SEC11A: variants seen among roughly 807,000 people sequenced by gnomAD.
SEC11A encodes the protein SEC11 homolog A, signal peptidase complex subunit.
SEC11A carries 14 observed loss-of-function variants against 25.6 expected under a neutral mutation model. That is an observed-to-expected ratio of 0.55 (90% confidence interval 0.36 to 0.85). The LOEUF (loss-of-function observed/expected upper bound fraction) is 0.85, where lower values mean the gene tolerates loss of function less well. Ranked by LOEUF, SEC11A falls within the 40% of genes least tolerant of loss-of-function variation. The probability of loss-of-function intolerance (pLI) is 0.01; values close to 1 mark genes in which losing one functional copy is unlikely to be tolerated. For synonymous variants in SEC11A, 83 were observed against 76.4 expected (o/e 1.09, Z -0.45); for missense variants, 153 against 222.9 (o/e 0.69, Z 2.00).
At chr15:84,673,335 T>G (rs1397708955) in intron 4 of SEC11A, 1 of 189,604 alleles carries the variant, frequency 5.3e-6, no homozygotes, top group African/African-American at 2.4e-5. Flanking sequence ...GGGAAAAGAT[T>G]GAGAAATCGG....
chr15:84,685,847 G>C (rs1237898471), intron 3 of SEC11A: 1 of 133,536 alleles, frequency 7.5e-6, no homozygotes, highest in Non-Finnish European at 1.5e-5. Flanking sequence ...CTGTCATTCA[G>C]GCTGGAATGC....
chr15:84,675,276 C>T (rs148562699), intron 4 of SEC11A, among the ~76,000 whole-genome samples: 180 of 152,232 alleles, frequency 1.2e-3, no homozygotes, highest in African/African-American at 4.2e-3. Flanking sequence ...AATACATTTC[C>T]GTGGGAATTC....
At chr15:84,688,386 A>G (rs1303481209) in intron 2 of SEC11A, among the ~76,000 whole-genome samples, 3 of 152,244 alleles carry the variant, frequency 2.0e-5, no homozygotes, top group Admixed American at 6.5e-5. Flanking sequence ...CGAAGCCAGG[A>G]AAAGATTCAA....
At chr15:84,679,910 T>C in intron 4 of SEC11A, 7 of 1,506,928 alleles carry the variant, frequency 4.6e-6, no homozygotes, top group Non-Finnish European at 6.2e-6. Context: ...AATGCCATAC[T>C]TCCTTAATAC....
At chr15:84,712,349 G>A (rs1295934523) in intron 1 of SEC11A, among the ~76,000 whole-genome samples, 1 of 152,014 alleles carries the variant, frequency 6.6e-6, no homozygotes, top group African/African-American at 2.4e-5. Flanking sequence ...GGAGCAACAG[G>A]AACTCTCATT....
At chr15:84,689,138 G>C (rs1007395872) in intron 2 of SEC11A, among the ~76,000 whole-genome samples, 12 of 152,058 alleles carry the variant, frequency 7.9e-5, no homozygotes, top group Admixed American at 5.9e-4. Context: ...GGAGGTTGAG[G>C]GGGGAGGATC....
At chr15:84,704,356 T>C (rs1184749511) in intron 1 of SEC11A, among the ~76,000 whole-genome samples, 1 of 152,184 alleles carries the variant, frequency 6.6e-6, no homozygotes, top group Non-Finnish European at 1.5e-5. Context: ...TCTTACTATG[T>C]CCCTCATCAC....
chr15:84,670,889 A>C (rs1896965839), intron 4 of SEC11A, 107 bp from the exon 5 acceptor site: 2 of 542,490 alleles, frequency 3.7e-6, no homozygotes. Flanking sequence ...TTTTCAATTC[A>C]CAAAGTCCAT....
intron 1 of SEC11A, among the ~76,000 whole-genome samples, chr15:84,704,758 T>G (rs72750893): frequency 6.6e-6 from 1 of 152,290 alleles, no homozygotes; most frequent in South Asian, 2.1e-4. Flanking sequence ...GGTATTGCCA[T>G]GATAGGTTGC....
intron 5 of SEC11A, 88 bp from the exon 6 acceptor site, chr15:84,670,157 A>G: frequency 7.9e-7 from 1 of 1,267,576 alleles, no homozygotes; most frequent in Non-Finnish European, 1.1e-6. Context: ...GTCTTTGTGA[A>G]TATATCGCTA....
chr15:84,687,367 CAG>C (rs529023889), intron 3 of SEC11A, among the ~76,000 whole-genome samples: 163 of 152,284 alleles, frequency 1.1e-3, no homozygotes, highest in African/African-American at 3.8e-3. Context: ...GAATTATATA[CAG>C]AGTCACTGAC....
intron 1 of SEC11A, among the ~76,000 whole-genome samples, chr15:84,697,945 A>G (rs1897815540): frequency 6.6e-6 from 1 of 152,242 alleles, no homozygotes; most frequent in African/African-American, 2.4e-5. Flanking sequence ...AAAGAATGAT[A>G]TCAAAGTTCT....
chr15:84,679,637 C>A (rs1897232380), intron 4 of SEC11A, among the ~76,000 whole-genome samples: 1 of 152,196 alleles, frequency 6.6e-6, no homozygotes, highest in Non-Finnish European at 1.5e-5. Context: ...TAGCAACTAT[C>A]CATTTCAGAA....
chr15:84,714,464 T>C (rs1180793547), intron 1 of SEC11A, among the ~76,000 whole-genome samples: 1 of 152,206 alleles, frequency 6.6e-6, no homozygotes, highest in Admixed American at 6.5e-5. Flanking sequence ...TTGCACAACA[T>C]AGTGAATGCA....
intron 1 of SEC11A, among the ~76,000 whole-genome samples, chr15:84,692,565 A>C (rs1002530716): frequency 4.6e-5 from 7 of 152,348 alleles, no homozygotes; most frequent in Admixed American, 3.9e-4. Context: ...ATAAAACACC[A>C]GACGGCATTT....
rs201951219 is a variant in SEC11A at position 84,670,040 on chromosome 15, G to A, written c.519C>T (p.Phe173=). ...CTTCTTACTCACGATGAACCAGCAC[G>A]AATAAACCCAGCAAAAAGAGAACTG... The part of the protein sequence containing the change: ...KYAVLFLLGL[F]VLVHRE Residue 173 remains phenylalanine, a synonymous_variant, in exon 6 of 6, where the codon TTC becomes TTT. Coordinates refer to ENST00000268220, the MANE Select transcript of SEC11A (RefSeq NM_014300.4). 395 of 1,613,328 alleles carry A rather than the reference G, an allele frequency of 2.4e-4. No homozygotes were observed. The highest frequency in any genetic ancestry group is 4.9e-4 in the Middle Eastern group (3 of 6,078).
chr15:84,677,475 CTTTTTTTTTTTT>C (rs1171786400), intron 4 of SEC11A, among the ~76,000 whole-genome samples: 6 of 131,428 alleles, frequency 4.6e-5, no homozygotes, highest in Non-Finnish European at 8.3e-5. Flanking sequence ...TTTTCTTTTT[CTTTTTTTTTTTT>C]TTTTAGACAG....
intron 3 of SEC11A, among the ~76,000 whole-genome samples, chr15:84,685,120 C>G (rs1032195732): frequency 5.3e-5 from 8 of 152,124 alleles, no homozygotes; most frequent in African/African-American, 1.9e-4. Context: ...TTACAAGTAC[C>G]ATATTTAAAA....
In SEC11A at chr15:84,695,088, T is replaced by TAAA. The variant is rs55789527; in HGVS notation, c.52-3447_52-3445dup. Among the ~76,000 whole-genome samples the TAAA allele has an allele frequency of 5.9e-3, 158 of 26,944 alleles. 12 individuals carry two copies. The highest frequency in any genetic ancestry group is 0.018 in the African/African-American group (76 of 4,190). 17.7% of individuals were successfully genotyped at this position (26,944 alleles called of 152,430 possible). ...CTGGGCGACACAGCAAGACTCCATC[T>TAAA]AAAAAAAAAAAAAAAAAAAAAAAAA... On this transcript the variant is annotated intron_variant, in intron 1 of 5. Transcript: ENST00000268220.
Sources: gnomAD v4.1 joint callset for allele counts (sites outside exome capture counted in the v4.1 genomes callset) on GRCh38, gnomAD v4.1.1 for gene constraint, MANE v1.5 for transcripts, NCBI Gene and HGNC (gene_info 2026-07-23, HGNC 2026-07-21) for gene names.